Variants in KCNIP4 observed in about 807,000 individuals in gnomAD.
KCNIP4 encodes the protein Kv channel-interacting protein 4.
In KCNIP4, 12 loss-of-function variants were observed where a neutral mutation model predicts 34.0. That is an observed-to-expected ratio of 0.35 (90% CI 0.23 to 0.57). The LOEUF (loss-of-function observed/expected upper bound fraction) is 0.57, where lower values mean the gene tolerates loss of function less well. Among genes scored for constraint, KCNIP4 ranks in the 20% least tolerant of loss-of-function variants. The pLI, the probability that KCNIP4 is intolerant of heterozygous loss-of-function variation, is 0.83. For missense variants in KCNIP4, 238 were observed against 311.7 expected (o/e 0.76, Z 1.78); for synonymous variants, 124 against 102.2 (o/e 1.21, Z -1.29).
intron 1 of KCNIP4, among the ~76,000 whole-genome samples, chr4:21,054,668 C>A (rs1291041289): frequency 7.1e-6 from 1 of 141,700 alleles, no homozygotes; most frequent in African/African-American, 2.6e-5. Context: ...ACAACTGCTT[C>A]TAGGGGTGCC....
At chr4:21,630,073 A>G (rs1745637803) in intron 1 of KCNIP4, among the ~76,000 whole-genome samples, 1 of 146,874 alleles carries the variant, frequency 6.8e-6, no homozygotes, top group Non-Finnish European at 1.5e-5. Context: ...TATGTTTCCC[A>G]GGCTGTTCTC....
chr4:20,792,258 C>T (rs1238485624), intron 3 of KCNIP4, among the ~76,000 whole-genome samples: 4 of 152,026 alleles, frequency 2.6e-5, no homozygotes, highest in Non-Finnish European at 5.9e-5. Context: ...CCTGTAATCC[C>T]AGCTACTTGG....
rs79291521 is a variant in KCNIP4 at position 20,911,302 on chromosome 4, G to A, written c.62-28593C>T. Among the ~76,000 whole-genome samples the A allele has an allele frequency of 8.9e-3, 1,350 of 152,216 alleles. 18 individuals are homozygous for A. The highest frequency in any genetic ancestry group is 0.03 in the African/African-American group (1,266 of 41,528). On this transcript the variant is annotated intron_variant, in intron 1 of 8. Transcript: ENST00000382152. ...TTCAATAAGTGCCCAGTTTACTGTC[G>A]TGTAAACTGTGTTTGCTTACAGCAT...
chr4:21,820,287 A>G (rs1331104058), intron 1 of KCNIP4, among the ~76,000 whole-genome samples: 308 of 6,468 alleles, frequency 0.048, 2 homozygotes, highest in Middle Eastern at 0.2. Flanking sequence ...GTGTGTGTGT[A>G]TATATATATA....
intron 1 of KCNIP4, among the ~76,000 whole-genome samples, chr4:21,214,794 G>A (rs887660112): frequency 6.6e-6 from 1 of 152,124 alleles, no homozygotes; most frequent in Non-Finnish European, 1.5e-5. Context: ...TTATCAGTCT[G>A]TTTCATATAC....
At chr4:21,520,253 CA>C (rs1735410844) in intron 1 of KCNIP4, among the ~76,000 whole-genome samples, 1 of 152,112 alleles carries the variant, frequency 6.6e-6, no homozygotes, top group Non-Finnish European at 1.5e-5. Context: ...TTGCATCCTT[CA>C]ATCCCAATCA....
At chr4:21,754,961 A>G (rs1717404254) in intron 1 of KCNIP4, among the ~76,000 whole-genome samples, 1 of 152,148 alleles carries the variant, frequency 6.6e-6, no homozygotes, top group Non-Finnish European at 1.5e-5. Context: ...ACCCTGGCCA[A>G]CATGGAGAAA....
At chr4:21,237,156 ATAAT>A (rs1192872143) in intron 1 of KCNIP4, among the ~76,000 whole-genome samples, 1 of 152,210 alleles carries the variant, frequency 6.6e-6, no homozygotes, top group Non-Finnish European at 1.5e-5. Flanking sequence ...TAATCAGTAA[ATAAT>A]TAATTACGTA....
At chr4:20,953,669 G>A (rs759186524) in intron 1 of KCNIP4, among the ~76,000 whole-genome samples, 12 of 152,190 alleles carry the variant, frequency 7.9e-5, no homozygotes, top group East Asian at 1.9e-4. Context: ...GAGAGACTCC[G>A]TCTCAAAAAT....
intron 1 of KCNIP4, among the ~76,000 whole-genome samples, chr4:21,589,192 ATATATATATG>A (rs1344869172): frequency 0.13 from 8,432 of 62,500 alleles, 859 homozygotes; most frequent in East Asian, 0.34. Context: ...ATATATATAT[ATATATATATG>A]TGTACATATA....
intron 1 of KCNIP4, among the ~76,000 whole-genome samples, chr4:21,236,943 T>A (rs1285335164): frequency 6.6e-6 from 1 of 151,000 alleles, no homozygotes; most frequent in African/African-American, 2.4e-5. Context: ...GAGGCAGAGG[T>A]TACAGTGAGC....
intron 1 of KCNIP4, among the ~76,000 whole-genome samples, chr4:21,078,289 A>C (rs556427600): frequency 3.4e-4 from 51 of 152,184 alleles, no homozygotes; most frequent in African/African-American, 1.1e-3. Context: ...AACCTGTCGT[A>C]ATCAGCTTGG....
At chr4:21,876,152 G>A (rs931588961) in intron 1 of KCNIP4, among the ~76,000 whole-genome samples, 2 of 152,084 alleles carry the variant, frequency 1.3e-5, no homozygotes, top group Non-Finnish European at 2.9e-5. Flanking sequence ...AAGTAAAATT[G>A]TGACATAGTG....
At chr4:21,716,099 T>C (rs1714353482) in intron 1 of KCNIP4, among the ~76,000 whole-genome samples, 1 of 152,214 alleles carries the variant, frequency 6.6e-6, no homozygotes, top group South Asian at 2.1e-4. Flanking sequence ...CTGAAGTTTA[T>C]GGGGAGCAGC....
intron 3 of KCNIP4, among the ~76,000 whole-genome samples, chr4:20,779,408 G>A (rs1756650030): frequency 2.0e-5 from 3 of 151,974 alleles, no homozygotes; most frequent in South Asian, 4.2e-4. Flanking sequence ...ATTTTTGTTT[G>A]GTTTTCCCCA....
At chr4:21,508,570 C>A (rs1194679295) in intron 1 of KCNIP4, among the ~76,000 whole-genome samples, 4 of 152,204 alleles carry the variant, frequency 2.6e-5, no homozygotes, top group Admixed American at 1.3e-4. Flanking sequence ...ATTAAATATT[C>A]ATCTTCCCAC....
At chr4:21,259,176 A>C (rs1188028784) in intron 1 of KCNIP4, among the ~76,000 whole-genome samples, 1 of 152,178 alleles carries the variant, frequency 6.6e-6, no homozygotes, top group Non-Finnish European at 1.5e-5. Flanking sequence ...TTCCACTTCA[A>C]GACTGTCAGC....
At chr4:21,750,864 G>A (rs1387885807) in intron 1 of KCNIP4, among the ~76,000 whole-genome samples, 1 of 152,094 alleles carries the variant, frequency 6.6e-6, no homozygotes, top group South Asian at 2.1e-4. Context: ...TTCAGCCCTG[G>A]CCCCAAACAC....
intron 1 of KCNIP4, among the ~76,000 whole-genome samples, chr4:21,933,107 A>G (rs896212249): frequency 6.6e-6 from 1 of 151,554 alleles, no homozygotes; most frequent in Non-Finnish European, 1.5e-5. Flanking sequence ...ATTATTCCAG[A>G]TATCACAAGG....
Sources: gnomAD v4.1 joint callset for allele counts (sites outside exome capture counted in the v4.1 genomes callset) on GRCh38, gnomAD v4.1.1 for gene constraint, MANE v1.5 for transcripts, NCBI Gene and HGNC (gene_info 2026-07-23, HGNC 2026-07-21) for gene names.